Variants in RBFOX1 observed in about 807,000 individuals in gnomAD.
RBFOX1 encodes RNA binding fox-1 homolog 1.
A neutral mutation model predicts 57.7 loss-of-function variants in RBFOX1; 8 were observed. The observed-to-expected ratio is 0.14, with a 90% CI of 0.08 to 0.25. The LOEUF (loss-of-function observed/expected upper bound fraction) is 0.25. Ranked by LOEUF, RBFOX1 falls within the 10% of genes least tolerant of loss-of-function variation. The pLI, the probability that RBFOX1 is intolerant of heterozygous loss-of-function variation, is 1.00. For missense variants in RBFOX1, 611 were observed against 548.5 expected, an observed-to-expected ratio of 1.11 and a Z score of -1.14; for synonymous variants, 326 against 222.4, an observed-to-expected ratio of 1.47 and a Z score of -4.15.
intron 2 of RBFOX1, among the ~76,000 whole-genome samples, chr16:5,490,826 CTT>C (rs903743006): frequency 5.9e-5 from 9 of 152,044 alleles, no homozygotes; most frequent in Admixed American, 3.3e-4. Flanking sequence ...TCTTAATAAA[CTT>C]TTTTTTCTTT....
At chr16:6,055,485 C>T (rs1314840656) in intron 1 of RBFOX1, among the ~76,000 whole-genome samples, 4 of 145,274 alleles carry the variant, frequency 2.8e-5, no homozygotes, top group East Asian at 2.1e-4. Flanking sequence ...CCCAGCTATT[C>T]GGGAGGCTGA....
At position 6,684,302 on chromosome 16, in the gene RBFOX1, ACT is replaced by A. The variant is rs138291308; in HGVS notation, c.-16+29653_-16+29654del. Among the ~76,000 whole-genome samples, 321 of 152,370 alleles carry A rather than the reference ACT, an allele frequency of 2.1e-3. 5 individuals are homozygous for A. Among genetic ancestry groups the A allele is most frequent in the South Asian group, 7.5e-3 (36 of 4,830 alleles). On this transcript the variant is annotated intron_variant, in intron 3 of 15. Coordinates refer to ENST00000550418, the MANE Select transcript of RBFOX1 (RefSeq NM_018723.4). ...AAAGAAAAGCTCCCAGGCGCCAGCC[ACT>A]GTTTTAATTAGCTAAAAGGAAGACA...
chr16:6,112,428 C>T (rs907044942), intron 1 of RBFOX1, among the ~76,000 whole-genome samples: 5 of 152,192 alleles, frequency 3.3e-5, no homozygotes, highest in Non-Finnish European at 5.9e-5. Context: ...CGGTGACTCA[C>T]GCCTGTAATC....
intron 3 of RBFOX1, among the ~76,000 whole-genome samples, chr16:6,678,963 A>AGT (rs966760563): frequency 2.0e-5 from 3 of 152,166 alleles, no homozygotes; most frequent in Non-Finnish European, 2.9e-5. Flanking sequence ...TGAATCATAC[A>AGT]GTGAGACTCT....
intron 4 of RBFOX1, among the ~76,000 whole-genome samples, chr16:6,002,499 A>G (rs955841177): frequency 6.6e-6 from 1 of 152,162 alleles, no homozygotes; most frequent in African/African-American, 2.4e-5. Context: ...AAAACAGGAA[A>G]TCTTCTTTGC....
chr16:5,405,180 G>A lies in RBFOX1; in HGVS notation c.220-62036G>A, dbSNP rs530655004. Among the ~76,000 whole-genome samples the A allele has an allele frequency of 5.9e-5, 9 of 152,304 alleles. No homozygotes were observed. The East Asian group carries it at 1.7e-3, about 29-fold the overall frequency. ...CTGCTGTGTGGTGTGCCCAGGGTGG[G>A]CCAGGTGGGAGGGCCAGGACCATGC... On this transcript the variant is annotated intron_variant, in intron 1 of 2. Coordinates refer to the RBFOX1 transcript ENST00000585867.
chr16:7,021,207 G>T (rs2038939904), intron 3 of RBFOX1, among the ~76,000 whole-genome samples: 1 of 151,888 alleles, frequency 6.6e-6, no homozygotes, highest in South Asian at 2.1e-4. Context: ...TCAGTTAGTT[G>T]CTGAGTAAAT....
intron 1 of RBFOX1, among the ~76,000 whole-genome samples, chr16:6,294,576 A>G (rs1240467874): frequency 6.6e-6 from 1 of 152,220 alleles, no homozygotes; most frequent in Non-Finnish European, 1.5e-5. Context: ...GACCAAGTCT[A>G]ATCCGTCAGC....
At chr16:7,139,903 C>T (rs1025047920) in intron 4 of RBFOX1, among the ~76,000 whole-genome samples, 2 of 151,850 alleles carry the variant, frequency 1.3e-5, no homozygotes, top group African/African-American at 2.4e-5. Flanking sequence ...AAAATGTTGG[C>T]TGTGGAGGAG....
chr16:7,301,713 G>T (rs183791602), intron 4 of RBFOX1, among the ~76,000 whole-genome samples: 1 of 152,014 alleles, frequency 6.6e-6, no homozygotes, highest in Admixed American at 6.6e-5. Flanking sequence ...CTCTTCTTGG[G>T]TTATTTACAG....
At chr16:7,681,300 A>G (rs1430960902) in intron 14 of RBFOX1, among the ~76,000 whole-genome samples, 1 of 152,182 alleles carries the variant, frequency 6.6e-6, no homozygotes, top group Admixed American at 6.6e-5. Flanking sequence ...GAGGGAAGGA[A>G]GCAAGGAAGG....
At chr16:5,415,292 GAGGAAGT>G (rs2067132434) in intron 1 of RBFOX1, among the ~76,000 whole-genome samples, 1 of 152,174 alleles carries the variant, frequency 6.6e-6, no homozygotes, top group African/African-American at 2.4e-5. Flanking sequence ...GAGCAAGAAT[GAGGAAGT>G]GCCATACTTT....
intron 14 of RBFOX1, among the ~76,000 whole-genome samples, chr16:7,679,810 G>A (rs944057403): frequency 2.0e-5 from 3 of 151,958 alleles, no homozygotes; most frequent in Admixed American, 1.3e-4. Context: ...CCTCCAGAAA[G>A]AAGACCATCT....
At chr16:6,620,085 A>T (rs1457255335) in intron 2 of RBFOX1, among the ~76,000 whole-genome samples, 1 of 152,206 alleles carries the variant, frequency 6.6e-6, no homozygotes, top group East Asian at 1.9e-4. Flanking sequence ...CATATGGACC[A>T]CATTTTCTTT....
intron 1 of RBFOX1, among the ~76,000 whole-genome samples, chr16:6,256,570 A>G (rs2097668732): frequency 6.6e-6 from 1 of 151,932 alleles, no homozygotes; most frequent in Non-Finnish European, 1.5e-5. Flanking sequence ...TTGAAAAGCG[A>G]TTAAACCGAT....
At chr16:7,545,728 T>G (rs2084283286) in intron 5 of RBFOX1, among the ~76,000 whole-genome samples, 7 of 152,072 alleles carry the variant, frequency 4.6e-5, no homozygotes, top group Admixed American at 4.6e-4. Context: ...GAATGTTCTT[T>G]CCAGACAGAG....
chr16:7,683,964 CTTTG>C (rs1189677670), intron 14 of RBFOX1, among the ~76,000 whole-genome samples: 1 of 151,944 alleles, frequency 6.6e-6, no homozygotes, highest in Non-Finnish European at 1.5e-5. Context: ...TTACGTTGTT[CTTTG>C]TTTGGGTTTT....
intron 1 of RBFOX1, among the ~76,000 whole-genome samples, chr16:5,278,180 T>C (rs574746861): frequency 3.3e-5 from 5 of 152,360 alleles, no homozygotes; most frequent in African/African-American, 7.2e-5. Context: ...GTGCTTTGTC[T>C]TTTTAATAAT....
intron 14 of RBFOX1, 125 bp downstream of exon 14, chr16:7,676,963 AG>A: frequency 1.1e-6 from 1 of 924,996 alleles, no homozygotes. Flanking sequence ...CCCAAAAGTT[AG>A]GTCCCATGGT....
Sources: gnomAD v4.1 joint callset for allele counts (sites outside exome capture counted in the v4.1 genomes callset) on GRCh38, gnomAD v4.1.1 for gene constraint, MANE v1.5 for transcripts, NCBI Gene and HGNC (gene_info 2026-07-23, HGNC 2026-07-21) for gene names.